The following NRXN1 variants were observed in gnomAD, a reference collection of about 807,000 sequenced individuals.
The protein encoded by NRXN1 is neurexin-1.
In NRXN1, 39 loss-of-function variants were observed where a neutral mutation model predicts 150.9. That is an observed-to-expected ratio of 0.26 (90% confidence interval 0.20 to 0.34). The LOEUF is 0.34. Among genes scored for constraint, NRXN1 ranks in the 10% least tolerant of loss-of-function variants. The pLI is 1.00. For synonymous variants in NRXN1, 924 were observed against 757.0 expected, an observed-to-expected ratio of 1.22 and a Z score of -3.62; for missense variants, 1,815 against 1,949.9, an observed-to-expected ratio of 0.93 and a Z score of 1.30.
In NRXN1 at chr2:51,027,664, G is replaced by T. The variant is rs777133701; in HGVS notation, c.610C>A (p.Leu204Met). Residue 204 changes from leucine (L) to methionine (M), a missense_variant, in exon 2 of 23, where the codon CTG (leucine) becomes ATG (methionine). Physicochemically the swap from Leu to Met is conservative, Grantham distance 15 (BLOSUM62 2). Around this residue, in one of 6 missense-constraint regions of NRXN1, gnomAD observed 554 missense variants for 478.8 expected, o/e 1.16. Coordinates refer to ENST00000401669, the MANE Select transcript of NRXN1 (RefSeq NM_001330078.2). ...VLPVDSGEVK[L>M]DDEPPNSGGG... ...CCGCTGTTGGGCGGCTCATCGTCCA[G>T]CTTCACCTCGCCGCTGTCCACGGGC... 50 of 1,602,164 alleles carry T rather than the reference G, an allele frequency of 3.1e-5. No homozygotes were observed. Among genetic ancestry groups the T allele is most frequent in the Non-Finnish European group, 4.1e-5 (48 of 1,174,612 alleles).
At chr2:50,444,402 A>C (rs1224333327) in intron 17 of NRXN1, among the ~76,000 whole-genome samples, 2 of 152,130 alleles carry the variant, frequency 1.3e-5, no homozygotes, top group Non-Finnish European at 2.9e-5. Flanking sequence ...AAATTACAGC[A>C]CCCACAGAAC....
At chr2:50,475,874 TAA>T (rs11442987) in intron 15 of NRXN1, among the ~76,000 whole-genome samples, 11 of 148,378 alleles carry the variant, frequency 7.4e-5, no homozygotes, top group Admixed American at 2.7e-4. Context: ...GTGACGGGTT[TAA>T]AAAAAAAAAA....
chr2:50,404,847 G>C (rs2103982517), intron 17 of NRXN1, among the ~76,000 whole-genome samples: 1 of 152,176 alleles, frequency 6.6e-6, no homozygotes, highest in South Asian at 2.1e-4. Flanking sequence ...CAGAGAGAAA[G>C]GATCTTGACT....
intron 21 of NRXN1, chr2:49,973,962 A>T (rs1467508327): frequency 2.8e-6 from 2 of 717,060 alleles, no homozygotes; most frequent in African/African-American, 3.5e-5. Flanking sequence ...TGACAGAAGA[A>T]GCTACCTGCA....
intron 5 of NRXN1, among the ~76,000 whole-genome samples, chr2:50,748,371 T>C (rs1328423088): frequency 6.6e-6 from 1 of 152,182 alleles, no homozygotes; most frequent in African/African-American, 2.4e-5. Context: ...GAATAAAATG[T>C]CGATTTGATT....
At chr2:50,697,806 C>T (rs1307544682) in intron 5 of NRXN1, among the ~76,000 whole-genome samples, 4 of 152,264 alleles carry the variant, frequency 2.6e-5, no homozygotes, top group Middle Eastern at 3.4e-3. Flanking sequence ...TCTTTCTTTT[C>T]TCTGCCTCCA....
At chr2:50,159,023 C>T (rs2059204653) in intron 18 of NRXN1, among the ~76,000 whole-genome samples, 1 of 151,976 alleles carries the variant, frequency 6.6e-6, no homozygotes. Flanking sequence ...TGAACAGTTG[C>T]CAATGATGAT....
intron 17 of NRXN1, among the ~76,000 whole-genome samples, chr2:50,271,801 T>G (rs926108436): frequency 6.6e-6 from 1 of 152,178 alleles, no homozygotes. Context: ...TAATGGTACT[T>G]TCCTTTTCCT....
intron 17 of NRXN1, among the ~76,000 whole-genome samples, chr2:50,438,440 G>A (rs142004142): frequency 6.6e-6 from 1 of 152,152 alleles, no homozygotes; most frequent in Admixed American, 6.5e-5. Flanking sequence ...ACTGGAACTG[G>A]GGGGAGTGGA....
chr2:50,826,117 CAGA>C (rs1670415433), intron 5 of NRXN1, among the ~76,000 whole-genome samples: 1 of 152,016 alleles, frequency 6.6e-6, no homozygotes, highest in African/African-American at 2.4e-5. Context: ...GTAAAGAAAC[CAGA>C]AGATGTGGTT....
At chr2:50,398,962 T>G (rs543644899) in intron 17 of NRXN1, among the ~76,000 whole-genome samples, 1 of 152,272 alleles carries the variant, frequency 6.6e-6, no homozygotes, top group South Asian at 2.1e-4. Flanking sequence ...AGAAACTTTC[T>G]TTTCCCACTC....
chr2:50,722,764 T>C (rs1375419424), intron 5 of NRXN1, among the ~76,000 whole-genome samples: 2 of 152,228 alleles, frequency 1.3e-5, no homozygotes, highest in Non-Finnish European at 2.9e-5. Context: ...AAAAATCAAT[T>C]TGAAATTCTT....
At chr2:50,570,477 T>G (rs536888761) in intron 8 of NRXN1, among the ~76,000 whole-genome samples, 1 of 152,156 alleles carries the variant, frequency 6.6e-6, no homozygotes, top group Non-Finnish European at 1.5e-5. Flanking sequence ...TGCTAACATA[T>G]CACAAGAGAA....
intron 18 of NRXN1, among the ~76,000 whole-genome samples, chr2:50,140,153 T>A (rs1001473400): frequency 6.6e-6 from 1 of 152,178 alleles, no homozygotes; most frequent in Admixed American, 6.5e-5. Flanking sequence ...GCATGAAAGA[T>A]TGCTTTGTCT....
At chr2:50,342,127 C>G (rs2077592328) in intron 17 of NRXN1, among the ~76,000 whole-genome samples, 1 of 152,110 alleles carries the variant, frequency 6.6e-6, no homozygotes, top group African/African-American at 2.4e-5. Flanking sequence ...CAAACACATG[C>G]TCATAGTAGG....
At chr2:50,374,642 T>G (rs1413658893) in intron 17 of NRXN1, among the ~76,000 whole-genome samples, 2 of 152,150 alleles carry the variant, frequency 1.3e-5, no homozygotes, top group East Asian at 3.9e-4. Context: ...TTACCTTATT[T>G]GATCAAAAAG....
intron 5 of NRXN1, among the ~76,000 whole-genome samples, chr2:50,828,575 C>A (rs1332894025): frequency 1.3e-5 from 2 of 148,270 alleles, no homozygotes; most frequent in Non-Finnish European, 3.0e-5. Context: ...CAGAGGCGCT[C>A]CTTACATCCC....
At chr2:50,441,316 T>C (rs1282184358) in intron 17 of NRXN1, among the ~76,000 whole-genome samples, 1 of 152,204 alleles carries the variant, frequency 6.6e-6, no homozygotes. Flanking sequence ...ACTTCTCTGA[T>C]TTCACTTCTT....
intron 5 of NRXN1, among the ~76,000 whole-genome samples, chr2:50,818,443 T>A (rs1574584177): frequency 6.6e-6 from 1 of 152,090 alleles, no homozygotes; most frequent in Middle Eastern, 3.4e-3. Context: ...TAAATAAAAT[T>A]GGTTTAATTT....
Sources: gnomAD v4.1 joint callset for allele counts (sites outside exome capture counted in the v4.1 genomes callset) on GRCh38, gnomAD v4.1.1 for gene constraint, gnomAD v4.1.1 regional missense constraint, MANE v1.5 for transcripts, NCBI Gene and HGNC (gene_info 2026-07-23, HGNC 2026-07-21) for gene names.